The following GRID1 variants were observed in gnomAD, a reference collection of about 807,000 sequenced individuals.
GRID1 encodes glutamate ionotropic receptor delta type subunit 1.
GRID1 carries 28 observed loss-of-function variants against 98.0 expected under a neutral mutation model. That is an observed-to-expected ratio of 0.29 (90% CI 0.21 to 0.39). The LOEUF (loss-of-function observed/expected upper bound fraction) is 0.39, where lower values mean the gene tolerates loss of function less well. Among genes scored for constraint, GRID1 ranks in the 10% least tolerant of loss-of-function variants. The probability of loss-of-function intolerance (pLI) is 1.00; values close to 1 mark genes in which losing one functional copy is unlikely to be tolerated. For missense variants in GRID1, 1,111 were observed against 1,340.5 expected (o/e 0.83, Z 2.67); for synonymous variants, 553 against 538.5 (o/e 1.03, Z -0.37).
intron 4 of GRID1, among the ~76,000 whole-genome samples, chr10:86,110,485 A>G (rs1427547287): frequency 2.0e-5 from 3 of 152,180 alleles, no homozygotes; most frequent in African/African-American, 7.2e-5. Context: ...ATTGAGAAGG[A>G]GGGCACCATT....
At chr10:86,167,968 C>T (rs1479832479) in intron 3 of GRID1, among the ~76,000 whole-genome samples, 1 of 152,154 alleles carries the variant, frequency 6.6e-6, no homozygotes, top group Admixed American at 6.5e-5. Context: ...TACAAGAAGC[C>T]CCATAGACCC....
chr10:86,274,178 C>T (rs1452299787), intron 2 of GRID1, among the ~76,000 whole-genome samples: 1 of 152,076 alleles, frequency 6.6e-6, no homozygotes, highest in African/African-American at 2.4e-5. Flanking sequence ...GAATCCTTTC[C>T]CCATTGCTTG....
intron 2 of GRID1, among the ~76,000 whole-genome samples, chr10:86,296,896 C>G (rs1017816368): frequency 6.6e-6 from 1 of 152,040 alleles, no homozygotes; most frequent in Non-Finnish European, 1.5e-5. Context: ...ACAAGAAGAT[C>G]TCATTCACAG....
intron 2 of GRID1, among the ~76,000 whole-genome samples, chr10:86,289,730 A>G (rs2607834): frequency 0.94 from 142,740 of 152,178 alleles, 67,670 homozygotes; most frequent in African/African-American, 0.98. Context: ...CTGGCCAGAC[A>G]CAGTGGCAGC....
At chr10:85,929,262 C>A (rs1841817152) in intron 4 of GRID1, among the ~76,000 whole-genome samples, 1 of 152,110 alleles carries the variant, frequency 6.6e-6, no homozygotes, top group Admixed American at 6.5e-5. Context: ...CAGCAGATCC[C>A]CTTGAATCTT....
At chr10:85,778,558 T>C (rs1470853687) in intron 8 of GRID1, among the ~76,000 whole-genome samples, 1 of 152,200 alleles carries the variant, frequency 6.6e-6, no homozygotes, top group East Asian at 1.9e-4. Context: ...CACTTTCTAG[T>C]GCATGGGAAG....
chr10:86,282,831 C>G (rs1256758989), intron 2 of GRID1, among the ~76,000 whole-genome samples: 1 of 152,122 alleles, frequency 6.6e-6, no homozygotes, highest in African/African-American at 2.4e-5. Context: ...AACCCATTCT[C>G]CACCCTCAGC....
intron 14 of GRID1, among the ~76,000 whole-genome samples, chr10:85,614,711 G>A (rs1018102548): frequency 6.6e-6 from 1 of 152,168 alleles, no homozygotes; most frequent in Non-Finnish European, 1.5e-5. Context: ...TGAGGACAGG[G>A]AAGAAGGCAG....
rs774904818 is a variant in GRID1 at position 86,037,616 on chromosome 10, T to C, written c.726+101203A>G. ...CTAAGATGCACTACAGAGACATCCC[T>C]TTCCCCAGGGACAGGCCTAGTATTA... On this transcript the variant is annotated intron_variant, in intron 4 of 15. Coordinates refer to ENST00000327946, the MANE Select transcript of GRID1 (RefSeq NM_017551.3). 7.9e-5 allele frequency among the ~76,000 whole-genome samples: 12 copies of C among 152,306 alleles called. No homozygotes were observed. The Middle Eastern group carries it at 0.01, about 130-fold the overall frequency.
At chr10:85,769,919 G>C (rs547079263) in intron 8 of GRID1, among the ~76,000 whole-genome samples, 3 of 152,336 alleles carry the variant, frequency 2.0e-5, no homozygotes, top group Admixed American at 2.0e-4. Context: ...CAAAAACACG[G>C]CAGTAACCTC....
chr10:85,760,132 G>T (rs571935611), intron 8 of GRID1, among the ~76,000 whole-genome samples: 11 of 152,284 alleles, frequency 7.2e-5, no homozygotes, highest in African/African-American at 2.4e-4. Context: ...TTACCTCAGT[G>T]AGAGGTGGTG....
At position 86,287,561 on chromosome 10, in the gene GRID1, C is replaced by CT. The variant is rs57475164; in HGVS notation, c.235+76379dup. 5.3e-3 allele frequency among the ~76,000 whole-genome samples: 804 copies of CT among 152,350 alleles called. 9 individuals are homozygous for CT. Among genetic ancestry groups the CT allele is most frequent in the African/African-American group, 0.018 (767 of 41,582 alleles). On this transcript the variant is annotated intron_variant, in intron 2 of 15. Transcript: ENST00000327946. ...CTGACATCTCAATACTCAGGCCAACCTGCCACGTTGGGTCCTTACTTCCTA... is the reference window on the plus strand; with the variant it reads ...CTGACATCTCAATACTCAGGCCAACCTTGCCACGTTGGGTCCTTACTTCCTA...
chr10:85,741,139 T>C (rs1296017801), intron 8 of GRID1, among the ~76,000 whole-genome samples: 1 of 152,128 alleles, frequency 6.6e-6, no homozygotes, highest in East Asian at 1.9e-4. Flanking sequence ...ATAATATTGA[T>C]CATCTTCTGG....
At chr10:86,318,756 A>G (rs1467771625) in intron 2 of GRID1, among the ~76,000 whole-genome samples, 1 of 152,222 alleles carries the variant, frequency 6.6e-6, no homozygotes, top group African/African-American at 2.4e-5. Flanking sequence ...TCATTCATTC[A>G]TTCATCCATT....
chr10:85,903,065 T>G (rs926520870), intron 5 of GRID1, among the ~76,000 whole-genome samples: 1 of 152,030 alleles, frequency 6.6e-6, no homozygotes, highest in Non-Finnish European at 1.5e-5. Context: ...TCACATGAGG[T>G]TCAATATCCC....
intron 3 of GRID1, among the ~76,000 whole-genome samples, chr10:86,196,298 C>T (rs1202775121): frequency 1.3e-5 from 2 of 152,130 alleles, no homozygotes; most frequent in Non-Finnish European, 2.9e-5. Flanking sequence ...GTTTGTTCAG[C>T]GCTTGGCTCA....
chr10:86,330,234 C>T (rs540689351), intron 2 of GRID1, among the ~76,000 whole-genome samples: 2 of 152,272 alleles, frequency 1.3e-5, no homozygotes, highest in Admixed American at 6.5e-5. Flanking sequence ...TCACACCCTT[C>T]CCTCTTGCAG....
intron 5 of GRID1, among the ~76,000 whole-genome samples, chr10:85,871,133 T>C (rs1411883866): frequency 6.6e-6 from 1 of 152,078 alleles, no homozygotes; most frequent in Non-Finnish European, 1.5e-5. Flanking sequence ...GTTGAAAATA[T>C]CATAAATAAA....
At chr10:86,200,742 C>T (rs1344476800) in intron 3 of GRID1, among the ~76,000 whole-genome samples, 5 of 151,736 alleles carry the variant, frequency 3.3e-5, no homozygotes, top group African/African-American at 1.2e-4. Context: ...AGAAAAGGCT[C>T]GATTTTAAAA....
Sources: gnomAD v4.1 joint callset for allele counts (sites outside exome capture counted in the v4.1 genomes callset) on GRCh38, gnomAD v4.1.1 for gene constraint, MANE v1.5 for transcripts, NCBI Gene and HGNC (gene_info 2026-07-23, HGNC 2026-07-21) for gene names.